Variants in PHF3 observed in about 807,000 individuals in gnomAD.
The protein encoded by PHF3 is PHD finger protein 3.
In PHF3, 41 loss-of-function variants were observed where a neutral mutation model predicts 178.4. That is an observed-to-expected ratio of 0.23 (90% confidence interval 0.18 to 0.30). The LOEUF is 0.30. PHF3 is among the 10% of genes least tolerant of loss of function. The pLI is 1.00. For missense variants in PHF3, 2,346 were observed against 2,398.1 expected (o/e 0.98, Z 0.45); for synonymous variants, 842 against 800.5 (o/e 1.05, Z -0.88).
At chr6:63,686,961 G>T (rs1019196306) in intron 4 of PHF3, among the ~76,000 whole-genome samples, 1 of 152,100 alleles carries the variant, frequency 6.6e-6, no homozygotes, top group African/African-American at 2.4e-5. Flanking sequence ...TAAGTTTTAT[G>T]TCAAAGTATT....
At chr6:63,659,424 T>A (rs527752655) in intron 2 of PHF3, among the ~76,000 whole-genome samples, 1 of 152,304 alleles carries the variant, frequency 6.6e-6, no homozygotes, top group South Asian at 2.1e-4. Flanking sequence ...TGTAGGCAGA[T>A]GCAGCTTAAA....
intron 1 of PHF3, among the ~76,000 whole-genome samples, chr6:63,645,186 G>A (rs1764733684): frequency 6.6e-6 from 1 of 152,002 alleles, no homozygotes; most frequent in Admixed American, 6.6e-5. Context: ...CAGGAAAATT[G>A]TTTTTAAAGA....
intron 1 of PHF3, among the ~76,000 whole-genome samples, chr6:63,639,251 A>G (rs901871220): frequency 2.0e-5 from 3 of 152,172 alleles, no homozygotes; most frequent in Admixed American, 1.3e-4. Flanking sequence ...ACTTTATTAG[A>G]CAGTTTCGAA....
intron 8 of PHF3, among the ~76,000 whole-genome samples, chr6:63,698,953 A>T (rs1478634869): frequency 6.6e-6 from 1 of 152,172 alleles, no homozygotes; most frequent in Admixed American, 6.5e-5. Context: ...AAATCTGAAA[A>T]TAGAGCTATT....
Position 63,684,972 on chromosome 6 carries a change from A to G in PHF3, c.1250A>G (p.Asn417Ser), listed in dbSNP as rs754516098. 11 of 1,613,972 alleles carry G rather than the reference A, an allele frequency of 6.8e-6. No individual in the cohort carries two copies. The highest frequency in any genetic ancestry group is 6.7e-5 in the Admixed American group (4 of 60,014). Residue 417 changes from asparagine to serine, a missense_variant, in exon 4 of 16, where the codon AAT becomes AGT. This residue lies in a region of PHF3 where 843 missense variants were observed against 795.2 expected (regional missense o/e 1.06). Transcript: ENST00000262043. ...AGGCAGTTGGAGAGCACTGAGTTTAATAAATCAAACTTAGAGGTGGTTGAT... is the reference window on the plus strand; with the variant it reads ...AGGCAGTTGGAGAGCACTGAGTTTAGTAAATCAAACTTAGAGGTGGTTGAT... ...SNRQLESTEF[N>S]KSNLEVVDTS...
At chr6:63,687,299 A>C (rs1308469904) in intron 4 of PHF3, among the ~76,000 whole-genome samples, 1 of 152,126 alleles carries the variant, frequency 6.6e-6, no homozygotes, top group Non-Finnish European at 1.5e-5. Flanking sequence ...TGGTGCATGC[A>C]TATAATCCCA....
chr6:63,683,832 G>A (rs988842794), intron 3 of PHF3, among the ~76,000 whole-genome samples: 1 of 151,950 alleles, frequency 6.6e-6, no homozygotes, highest in Non-Finnish European at 1.5e-5. Context: ...TACTTTTTAT[G>A]GAAAAGAGAT....
In PHF3 at chr6:63,636,026, C is replaced by A; in HGVS notation, c.-150C>A. On this transcript the variant is annotated 5_prime_UTR_variant, in exon 1 of 16. Coordinates refer to ENST00000262043, the MANE Select transcript of PHF3 (RefSeq NM_001370348.2). ...AGGAAAAGAGGCTGTGGCAGCGACG[C>A]CGACGTCCTGCGCGTACCCCCTCTC... is the stretch of plus-strand genomic sequence containing the variant. 1 of 396,836 alleles carries A rather than the reference C, an allele frequency of 2.5e-6. No homozygotes were observed. Among genetic ancestry groups the A allele is most frequent in the Non-Finnish European group, 4.4e-6 (1 of 224,928 alleles). 24.6% of individuals were successfully genotyped at this position (396,836 alleles called of 1,614,324 possible).
At chr6:63,704,434 C>T (rs543888896) in intron 11 of PHF3, among the ~76,000 whole-genome samples, 1 of 151,468 alleles carries the variant, frequency 6.6e-6, no homozygotes, top group African/African-American at 2.4e-5. Flanking sequence ...CCCTGGAAAC[C>T]ACTGATCTTT....
At chr6:63,652,565 G>C (rs1765062918) in intron 2 of PHF3, among the ~76,000 whole-genome samples, 1 of 152,044 alleles carries the variant, frequency 6.6e-6, no homozygotes, top group Non-Finnish European at 1.5e-5. Flanking sequence ...GTCTGCTTCT[G>C]CTTTTATTGC....
chr6:63,687,994 C>G (rs1310237226), intron 4 of PHF3, among the ~76,000 whole-genome samples: 1 of 151,916 alleles, frequency 6.6e-6, no homozygotes, highest in African/African-American at 2.4e-5. Context: ...GCCTTCCTGG[C>G]TAACACGGTG....
chr6:63,643,117 T>G (rs1019894197), intron 1 of PHF3, among the ~76,000 whole-genome samples: 4 of 150,988 alleles, frequency 2.6e-5, no homozygotes, highest in Admixed American at 1.3e-4. Context: ...ATTTTACCGG[T>G]TTTTTTTTGC....
intron 2 of PHF3, among the ~76,000 whole-genome samples, chr6:63,660,757 G>T (rs781134449): frequency 1.3e-5 from 2 of 152,222 alleles, no homozygotes; most frequent in Non-Finnish European, 2.9e-5. Context: ...CATAATTGCA[G>T]CAAGCAGCAT....
At chr6:63,705,938 T>C in intron 11 of PHF3, 91 bp from the exon 12 acceptor site, 2 of 955,178 alleles carry the variant, frequency 2.1e-6, no homozygotes, top group Non-Finnish European at 3.1e-6. Flanking sequence ...AATTGAATCA[T>C]AGAACCTGAA....
intron 2 of PHF3, among the ~76,000 whole-genome samples, chr6:63,675,266 A>T (rs1047333217): frequency 6.6e-6 from 1 of 152,206 alleles, no homozygotes; most frequent in Non-Finnish European, 1.5e-5. Flanking sequence ...TTAATACCAC[A>T]CAAAAAGGAA....
In PHF3 at chr6:63,713,256, A is replaced by G. The variant is rs1315982005; in HGVS notation, c.5668A>G (p.Ile1890Val). ...GPQNFYQVKD[I>V]RRPERRHSDP... ...GCAGAATTTTTACCAGGTTAAAGAC[A>G]TTCGGAGGCCAGAAAGGCGCCATAG... Residue 1890 changes from isoleucine to valine, a missense_variant, in exon 16 of 16, where the codon ATT (isoleucine) becomes GTT (valine). Around this residue, in one of 8 missense-constraint regions of PHF3, gnomAD observed 839 missense variants for 806.9 expected, o/e 1.04. Coordinates refer to ENST00000262043, the MANE Select transcript of PHF3 (RefSeq NM_001370348.2). 6.2e-7 allele frequency: 1 copy of G among 1,614,102 alleles called. No homozygotes were observed. The highest frequency in any genetic ancestry group is 1.7e-5 in the Admixed American group (1 of 60,004).
rs530304881 is a variant in PHF3 at position 63,714,903 on chromosome 6, TAATTC to T, written c.*1198_*1202del. On this transcript the variant is annotated 3_prime_UTR_variant, in exon 16 of 16. Coordinates refer to ENST00000262043, the MANE Select transcript of PHF3 (RefSeq NM_001370348.2). ...GAAAAAAAAATATGAAAACTATTGTTAATTCAAATCTAAATTTATTTAAACCCTAA... is the reference window on the plus strand; with the variant it reads ...GAAAAAAAAATATGAAAACTATTGTTAAATCTAAATTTATTTAAACCCTAA... 848 of 152,238 alleles carry T rather than the reference TAATTC, an allele frequency of 5.6e-3. 6 individuals are homozygous for T. Among genetic ancestry groups the T allele is most frequent in the African/African-American group, 0.019 (789 of 41,556 alleles). The allele number at this position is 152,238 out of a possible 1,614,324, so 9.4% of individuals were successfully genotyped here.
chr6:63,668,337 C>T (rs769964051), intron 2 of PHF3, among the ~76,000 whole-genome samples: 7 of 151,974 alleles, frequency 4.6e-5, no homozygotes, highest in African/African-American at 9.7e-5. Context: ...TGGCTTCCTC[C>T]TCCCTCCCCC....
rs1419506889 is a variant in PHF3 at position 63,717,732 on chromosome 6, C to T, written c.*4024C>T. 1.3e-5 allele frequency among the ~76,000 whole-genome samples: 2 copies of T among 151,884 alleles called. No individual in the cohort carries two copies. The highest frequency in any genetic ancestry group is 2.9e-5 in the Non-Finnish European group (2 of 67,928). ...AAAATACTTTTTCTATGAAATAATTCAGTGTGTGCATGTCCATGTGTGTAT... is the reference window on the plus strand; with the variant it reads ...AAAATACTTTTTCTATGAAATAATTTAGTGTGTGCATGTCCATGTGTGTAT... On this transcript the variant is annotated 3_prime_UTR_variant, in exon 16 of 16. Coordinates refer to ENST00000262043, the MANE Select transcript of PHF3 (RefSeq NM_001370348.2).
Sources: allele counts gnomAD v4.1 joint callset (sites outside exome capture counted in the v4.1 genomes callset), GRCh38; gene constraint gnomAD v4.1.1; regional missense constraint gnomAD v4.1.1; transcripts MANE v1.5; gene names NCBI Gene and HGNC (gene_info 2026-07-23, HGNC 2026-07-21).